LRP1B: variants seen among roughly 807,000 people sequenced by gnomAD.
LRP1B encodes the protein low-density lipoprotein receptor-related protein 1B.
Under a neutral mutation model 556.6 loss-of-function variants are expected in LRP1B, and 217 were observed. The observed-to-expected ratio is 0.39, with a 90% confidence interval of 0.35 to 0.44. The LOEUF (loss-of-function observed/expected upper bound fraction) is 0.44, where lower values mean the gene tolerates loss of function less well. Among genes scored for constraint, LRP1B ranks in the 20% least tolerant of loss-of-function variants. The pLI, the probability that LRP1B is intolerant of heterozygous loss-of-function variation, is 1.00. For synonymous variants in LRP1B, 2,047 were observed against 1,865.8 expected (o/e 1.10, Z -2.50); for missense variants, 5,053 against 5,620.8 (o/e 0.90, Z 3.23).
At chr2:141,354,740 C>G (rs1688563849) in intron 3 of LRP1B, among the ~76,000 whole-genome samples, 1 of 151,556 alleles carries the variant, frequency 6.6e-6, no homozygotes, top group African/African-American at 2.4e-5. Flanking sequence ...GTAGAAACAG[C>G]TTCTACTCAA....
intron 2 of LRP1B, among the ~76,000 whole-genome samples, chr2:141,754,965 A>G (rs781744342): frequency 2.7e-4 from 41 of 152,054 alleles, no homozygotes; most frequent in Non-Finnish European, 7.4e-5. Flanking sequence ...TTATTTTGAT[A>G]TAAGATAACC....
At chr2:140,702,364 A>G (rs981407570) in intron 38 of LRP1B, 63 bp downstream of exon 38, 12 of 1,607,292 alleles carry the variant, frequency 7.5e-6, no homozygotes, top group Admixed American at 1.7e-5. Flanking sequence ...AGGAACACTA[A>G]AAGTAGGTAA....
At chr2:141,997,194 AC>A (rs1702516337) in intron 1 of LRP1B, among the ~76,000 whole-genome samples, 1 of 38,726 alleles carries the variant, frequency 2.6e-5, no homozygotes, top group African/African-American at 8.9e-5. Flanking sequence ...AAGATTTTGC[AC>A]TTTTTTCACC....
At chr2:141,451,132 G>A (rs1331184383) in intron 3 of LRP1B, among the ~76,000 whole-genome samples, 1 of 152,274 alleles carries the variant, frequency 6.6e-6, no homozygotes, top group Admixed American at 6.5e-5. Context: ...GCTGAATATT[G>A]GTAATACCTG....
intron 10 of LRP1B, among the ~76,000 whole-genome samples, chr2:141,054,060 C>T (rs141853881): frequency 7.2e-5 from 11 of 152,024 alleles, no homozygotes; most frequent in South Asian, 4.1e-4. Flanking sequence ...AAACAAAGTA[C>T]AAAAATGCAT....
chr2:141,772,952 TC>T, intron 2 of LRP1B, among the ~76,000 whole-genome samples: 1 of 152,294 alleles, frequency 6.6e-6, no homozygotes, highest in South Asian at 2.1e-4. Flanking sequence ...CCCTTCCTCC[TC>T]TTTTGTTAAA....
Position 141,677,731 on chromosome 2 carries a change from C to T in LRP1B, c.205+132548G>A, listed in dbSNP as rs541906866. On this transcript the variant is annotated intron_variant, in intron 2 of 90. Coordinates refer to ENST00000389484, the MANE Select transcript of LRP1B (RefSeq NM_018557.3). ...CTCAAACTCCTGACCTCGGGTGATCCGCCCGCCTTGGCCTCCCAAAGTGCT... is the reference window on the plus strand; with the variant it reads ...CTCAAACTCCTGACCTCGGGTGATCTGCCCGCCTTGGCCTCCCAAAGTGCT... 1.4e-3 allele frequency among the ~76,000 whole-genome samples: 206 copies of T among 152,274 alleles called. 1 individual carries two copies. The highest frequency in any genetic ancestry group is 2.4e-3 in the Non-Finnish European group (165 of 68,024).
chr2:141,536,686 T>C (rs1480387626), intron 2 of LRP1B, among the ~76,000 whole-genome samples: 1 of 152,100 alleles, frequency 6.6e-6, no homozygotes, highest in African/African-American at 2.4e-5. Flanking sequence ...GAAGCTTATT[T>C]TGAGACTCAT....
intron 66 of LRP1B, among the ~76,000 whole-genome samples, chr2:140,386,212 C>T (rs1211089847): frequency 2.0e-5 from 3 of 152,124 alleles, no homozygotes; most frequent in African/African-American, 7.2e-5. Context: ...TTCATGCTTT[C>T]ACCGCGAGCT....
intron 32 of LRP1B, among the ~76,000 whole-genome samples, chr2:140,781,613 T>C (rs564886094): frequency 9.2e-5 from 14 of 152,268 alleles, no homozygotes; most frequent in Middle Eastern, 3.4e-3. Context: ...GAGACAGACA[T>C]AGATAAATAA....
At position 140,264,702 on chromosome 2, in the gene LRP1B, A is replaced by ATGTGTGTGTG. The variant is rs3033314; in HGVS notation, c.13247+5530_13247+5539dup. Reference sequence around the variant, plus strand: ...TGACAAAAAAAAAAATTGTCTATATATGTGTGTGTGTGTGTGTGTGTGTGT... The same window carrying ATGTGTGTGTG: ...TGACAAAAAAAAAAATTGTCTATATATGTGTGTGTGTGTGTGTGTGTGTGTGTGTGTGTGT... On this transcript the variant is annotated intron_variant, in intron 86 of 90. Transcript: ENST00000389484. Among the ~76,000 whole-genome samples, 152 of 148,962 alleles carry ATGTGTGTGTG rather than the reference A, an allele frequency of 1.0e-3. 1 individual carries two copies. The East Asian group carries it at 0.019, about 19-fold the overall frequency.
intron 18 of LRP1B, among the ~76,000 whole-genome samples, chr2:140,965,994 T>C (rs1263920998): frequency 6.6e-6 from 1 of 152,188 alleles, no homozygotes; most frequent in East Asian, 1.9e-4. Flanking sequence ...TTTGCTATTG[T>C]GAATAGTGCC....
chr2:141,245,780 T>C (rs767966962), intron 5 of LRP1B, among the ~76,000 whole-genome samples: 3 of 152,202 alleles, frequency 2.0e-5, no homozygotes, highest in Non-Finnish European at 4.4e-5. Context: ...AGGTTAGCAG[T>C]AAAAGGCAGT....
chr2:141,447,699 G>A (rs1386915044), intron 3 of LRP1B, among the ~76,000 whole-genome samples: 1 of 152,142 alleles, frequency 6.6e-6, no homozygotes, highest in Non-Finnish European at 1.5e-5. Context: ...GAGTTTGCTG[G>A]AGGTCCACTC....
chr2:140,845,468 C>T (rs1692247494), intron 29 of LRP1B, among the ~76,000 whole-genome samples: 1 of 152,028 alleles, frequency 6.6e-6, no homozygotes, highest in Non-Finnish European at 1.5e-5. Flanking sequence ...AAGACTCACA[C>T]TTCCCATTAA....
intron 2 of LRP1B, among the ~76,000 whole-genome samples, chr2:141,718,468 C>T (rs1692698991): frequency 6.6e-6 from 1 of 152,092 alleles, no homozygotes; most frequent in Non-Finnish European, 1.5e-5. Flanking sequence ...TTTTGGAATC[C>T]ATCTAGGAAT....
At chr2:140,548,388 A>C (rs1680424586) in intron 43 of LRP1B, among the ~76,000 whole-genome samples, 1 of 152,186 alleles carries the variant, frequency 6.6e-6, no homozygotes, top group Admixed American at 6.5e-5. Context: ...AACACAGAGA[A>C]ATTAGGTAAC....
At chr2:140,980,079 C>T (rs925369374) in intron 18 of LRP1B, among the ~76,000 whole-genome samples, 1 of 151,482 alleles carries the variant, frequency 6.6e-6, no homozygotes, top group Non-Finnish European at 1.5e-5. Context: ...AATAAAGAAA[C>T]AGGTCTTGCC....
intron 35 of LRP1B, among the ~76,000 whole-genome samples, chr2:140,752,972 C>G (rs977204764): frequency 6.6e-6 from 1 of 152,158 alleles, no homozygotes; most frequent in Non-Finnish European, 1.5e-5. Context: ...CATGTATCCA[C>G]CAATATAATA....
Sources: gnomAD v4.1 joint callset for allele counts (sites outside exome capture counted in the v4.1 genomes callset) on GRCh38, gnomAD v4.1.1 for gene constraint, MANE v1.5 for transcripts, NCBI Gene and HGNC (gene_info 2026-07-23, HGNC 2026-07-21) for gene names.